Variants in TXLNB observed in about 807,000 individuals in gnomAD.
TXLNB encodes the protein beta-taxilin.
Under a neutral mutation model 57.4 loss-of-function variants are expected in TXLNB, and 37 were observed. The ratio of observed to expected loss-of-function variants is 0.64; its 90% CI spans 0.50 to 0.85. The LOEUF (loss-of-function observed/expected upper bound fraction) is 0.85. TXLNB is among the 40% of genes least tolerant of loss of function. TXLNB has a pLI of 0.00. For synonymous variants in TXLNB, 302 were observed against 309.6 expected (o/e 0.98, Z 0.26); for missense variants, 848 against 825.6 (o/e 1.03, Z -0.33).
chr6:139,296,921 C>T (rs1347157199), upstream of TXLNB, among the ~76,000 whole-genome samples: 2 of 152,150 alleles, frequency 1.3e-5, no homozygotes, highest in Admixed American at 6.5e-5. Flanking sequence ...ACAAAGCCAA[C>T]AGCCAACAAA....
chr6:139,216,209 G>C, the TXLNB span, among the ~76,000 whole-genome samples: 1 of 151,638 alleles, frequency 6.6e-6, no homozygotes, highest in Non-Finnish European at 1.5e-5. Context: ...CAATAGCAAA[G>C]ACTTGGAACC....
the TXLNB span, chr6:139,199,857 G>C: frequency 6.6e-6 from 1 of 152,216 alleles, no homozygotes; most frequent in Non-Finnish European, 1.5e-5. Flanking sequence ...GGTTCATGAT[G>C]CTTTTTTAAG....
the TXLNB span, chr6:139,166,581 A>G: frequency 6.2e-7 from 1 of 1,614,222 alleles, no homozygotes; most frequent in Non-Finnish European, 8.5e-7. Context: ...AAGGACACAG[A>G]CTGGTATCAG....
intron 6 of TXLNB, among the ~76,000 whole-genome samples, chr6:139,256,355 G>A (rs1313865374): frequency 6.6e-6 from 1 of 152,028 alleles, no homozygotes; most frequent in Admixed American, 6.6e-5. Context: ...TTGAGACGGA[G>A]TTTCTCTTTT....
chr6:139,255,120 C>A (rs1486605177), intron 7 of TXLNB, among the ~76,000 whole-genome samples: 8 of 152,214 alleles, frequency 5.3e-5, no homozygotes, highest in Non-Finnish European at 1.2e-4. Context: ...CTGCGCCCGG[C>A]CTCATTTTCT....
chr6:139,166,346 G>A, the TXLNB span: 3 of 1,613,914 alleles, frequency 1.9e-6, no homozygotes, highest in Non-Finnish European at 2.5e-6. Context: ...GGAGAAGGAC[G>A]ACTACCAGAA....
the TXLNB span, chr6:139,203,540 A>T: frequency 6.6e-6 from 1 of 152,358 alleles, no homozygotes; most frequent in African/African-American, 2.4e-5. Context: ...CTTGGTTTCC[A>T]TGACAATGTA....
chr6:139,305,082 T>C, the TXLNB span, among the ~76,000 whole-genome samples: 24,356 of 152,158 alleles, frequency 0.16, 2,199 homozygotes, highest in Middle Eastern at 0.27. Flanking sequence ...ATCATAATCA[T>C]GAATTCAACG....
upstream of TXLNB, among the ~76,000 whole-genome samples, chr6:139,293,756 G>C (rs1410794313): frequency 6.6e-6 from 1 of 151,934 alleles, no homozygotes; most frequent in Non-Finnish European, 1.5e-5. Context: ...CACCCAACAA[G>C]CAGAAGTCAG....
intron 5 of TXLNB, among the ~76,000 whole-genome samples, chr6:139,262,178 T>C (rs1190094926): frequency 6.6e-6 from 1 of 152,172 alleles, no homozygotes; most frequent in African/African-American, 2.4e-5. Context: ...AGTGCTGGGA[T>C]TACAGGCGTG....
the TXLNB span, among the ~76,000 whole-genome samples, chr6:139,171,809 C>CTTG: frequency 2.3e-4 from 35 of 151,268 alleles, no homozygotes; most frequent in East Asian, 1.4e-3. Context: ...TTTGTTTAAA[C>CTTG]TTGTTGTTGT....
At chr6:139,207,723 T>C in the TXLNB span, among the ~76,000 whole-genome samples, 1 of 152,090 alleles carries the variant, frequency 6.6e-6, no homozygotes, top group African/African-American at 2.4e-5. Flanking sequence ...ACAAAATTGA[T>C]GGCCCGTTAG....
chr6:139,222,169 A>C, the TXLNB span, among the ~76,000 whole-genome samples: 1 of 152,158 alleles, frequency 6.6e-6, no homozygotes, highest in South Asian at 2.1e-4. Context: ...AGACTAGATA[A>C]AGCAAACAAC....
chr6:139,211,146 A>G, the TXLNB span, among the ~76,000 whole-genome samples: 1 of 152,338 alleles, frequency 6.6e-6, no homozygotes, highest in Middle Eastern at 3.4e-3. Context: ...TTCTCCCAGC[A>G]TGCAGCTTGA....
At chr6:139,302,688 C>G in the TXLNB span, among the ~76,000 whole-genome samples, 2 of 150,498 alleles carry the variant, frequency 1.3e-5, no homozygotes, top group African/African-American at 2.4e-5. Flanking sequence ...GAGGCTGAGG[C>G]AAGAGAATCA....
Position 139,240,354 on chromosome 6 carries a change from C to T in TXLNB, c.*2172G>A, listed in dbSNP as rs1236048031. The stretch of plus-strand genomic sequence containing the variant: ...TTCAGACAAGTCATTCCATCTGAAA[C>T]TCTGTCCAAGATATACATGGCTGTG... On this transcript the variant is annotated 3_prime_UTR_variant, in exon 10 of 10. Coordinates refer to ENST00000358430, the MANE Select transcript of TXLNB (RefSeq NM_153235.4). The T allele has an allele frequency of 1.7e-4, 26 of 152,650 alleles. No homozygotes were observed. Among genetic ancestry groups the T allele is most frequent in the Admixed American group, 1.7e-3 (26 of 15,282 alleles). 9.5% of individuals were successfully genotyped at this position (152,650 alleles called of 1,614,324 possible).
the TXLNB span, among the ~76,000 whole-genome samples, chr6:139,211,307 G>T: frequency 6.6e-6 from 1 of 152,186 alleles, no homozygotes; most frequent in South Asian, 2.1e-4. Context: ...ACAGGCAGCA[G>T]CATTTGCGGT....
intron 1 of TXLNB, 128 bp from the exon 2 acceptor site, chr6:139,289,041 A>C: frequency 1.8e-6 from 1 of 558,900 alleles, no homozygotes; most frequent in Non-Finnish European, 2.8e-6. Flanking sequence ...AGAGAAAGGC[A>C]ATGTCCTTTC....
At chr6:139,247,535 T>C (rs200825812) in intron 8 of TXLNB, among the ~76,000 whole-genome samples, 5 of 143,926 alleles carry the variant, frequency 3.5e-5, no homozygotes, top group East Asian at 4.1e-4. Context: ...TGGTCTTCTT[T>C]TTTTTTTTTT....
Sources: gnomAD v4.1 joint callset for allele counts (sites outside exome capture counted in the v4.1 genomes callset) on GRCh38, gnomAD v4.1.1 for gene constraint, MANE v1.5 for transcripts, NCBI Gene and HGNC (gene_info 2026-07-23, HGNC 2026-07-21) for gene names.